SBNO1: variants seen among roughly 807,000 people sequenced by gnomAD.
The protein encoded by SBNO1 is protein strawberry notch homolog 1.
Under a neutral mutation model 173.6 loss-of-function variants are expected in SBNO1, and 23 were observed. The ratio of observed to expected loss-of-function variants is 0.13; its 90% confidence interval spans 0.10 to 0.19. SBNO1 has a LOEUF of 0.19. Among genes scored for constraint, SBNO1 ranks in the 10% least tolerant of loss-of-function variants. SBNO1 has a pLI of 1.00. For synonymous variants in SBNO1, 632 were observed against 571.5 expected, an observed-to-expected ratio of 1.11 and a Z score of -1.51; for missense variants, 1,238 against 1,671.2, an observed-to-expected ratio of 0.74 and a Z score of 4.52.
At chr12:123,300,648 A>G (rs1467776678) in intron 30 of SBNO1, among the ~76,000 whole-genome samples, 2 of 134,416 alleles carry the variant, frequency 1.5e-5, no homozygotes, top group Non-Finnish European at 3.2e-5. Flanking sequence ...ACAGAGCGAG[A>G]CTCCATCTCA....
At chr12:123,342,400 G>A (rs759948260) in intron 4 of SBNO1, among the ~76,000 whole-genome samples, 11 of 152,006 alleles carry the variant, frequency 7.2e-5, no homozygotes, top group African/African-American at 2.2e-4. Context: ...GCAATGAGCC[G>A]AGATCGCGCC....
intron 28 of SBNO1, 64 bp downstream of exon 28, chr12:123,309,246 A>G (rs2048996834): frequency 8.4e-7 from 1 of 1,187,350 alleles, no homozygotes; most frequent in Non-Finnish European, 1.3e-6. Flanking sequence ...GTGAAGAGAC[A>G]ATTACAATGC....
At chr12:123,332,242 C>T (rs1269707980) in intron 7 of SBNO1, among the ~76,000 whole-genome samples, 1 of 152,242 alleles carries the variant, frequency 6.6e-6, no homozygotes, top group South Asian at 2.1e-4. Flanking sequence ...GTGAGGAGCC[C>T]GCCATACCCC....
At chr12:123,360,228 A>G (rs1303972206) in intron 1 of SBNO1, among the ~76,000 whole-genome samples, 1 of 139,262 alleles carries the variant, frequency 7.2e-6, no homozygotes, top group African/African-American at 2.7e-5. Context: ...CCTCGGTGAC[A>G]AGAGTGAAAC....
chr12:123,325,462 T>C (rs769426608), intron 15 of SBNO1, 40 bp downstream of exon 15: 2 of 1,452,358 alleles, frequency 1.4e-6, no homozygotes, highest in East Asian at 2.3e-5. Flanking sequence ...AAGGAAGAAC[T>C]CAAAAAGAAA....
rs1869979795 is a variant in SBNO1 at position 123,321,540 on chromosome 12, T to C, written c.2318A>G (p.Glu773Gly). 6.2e-7 allele frequency: 1 copy of C among 1,608,738 alleles called. No individual in the cohort carries two copies. Among genetic ancestry groups the C allele is most frequent in the African/African-American group, 1.3e-5 (1 of 74,822 alleles). The change falls in exon 17 of 32, where the codon GAA becomes GGA. Residue 773 changes from glutamate (E) to glycine (G), a missense_variant. Around this residue, in one of 14 missense-constraint regions of SBNO1, gnomAD observed 33 missense variants for 29.6 expected, o/e 1.11. Transcript: ENST00000602398. ...ATTTAATATACTGAACTTACCATTT[T>C]CATCATCCTCATTAGACTCATCTAA... The part of the protein sequence containing the change: ...PFLDESNEDD[E>G]NDPWLIRKDH...
At chr12:123,359,758 G>C (rs1392531968) in intron 1 of SBNO1, among the ~76,000 whole-genome samples, 5 of 152,024 alleles carry the variant, frequency 3.3e-5, no homozygotes, top group African/African-American at 1.2e-4. Context: ...ATCTTTAAGA[G>C]CCCATCCTTT....
At chr12:123,351,142 A>C (rs1873822058) in intron 1 of SBNO1, among the ~76,000 whole-genome samples, 1 of 151,976 alleles carries the variant, frequency 6.6e-6, no homozygotes, top group Non-Finnish European at 1.5e-5. Context: ...AAAAAGAAAA[A>C]GAAAACCTCT....
chr12:123,318,237 C>A (rs1869523369), intron 20 of SBNO1, among the ~76,000 whole-genome samples: 1 of 152,178 alleles, frequency 6.6e-6, no homozygotes, highest in Non-Finnish European at 1.5e-5. Flanking sequence ...GTCAGGAGTT[C>A]AAGACCAGCC....
rs192545775 is a variant in SBNO1 at position 123,335,465 on chromosome 12, T to A, written c.748+930A>T. 5.6e-4 allele frequency among the ~76,000 whole-genome samples: 86 copies of A among 152,312 alleles called. 1 individual carries two copies. The East Asian group carries it at 0.014, about 25-fold the overall frequency. ...ACCCCGTCTTAAAAAGAACATATTTTACTTTGAAAAGTATTCGAAAGACAA... is the reference window on the plus strand; with the variant it reads ...ACCCCGTCTTAAAAAGAACATATTTAACTTTGAAAAGTATTCGAAAGACAA... On this transcript the variant is annotated intron_variant, in intron 6 of 31. Coordinates refer to ENST00000602398, the MANE Select transcript of SBNO1 (RefSeq NM_001167856.3).
intron 1 of SBNO1, among the ~76,000 whole-genome samples, chr12:123,350,741 C>A (rs2139075593): frequency 6.6e-6 from 1 of 152,308 alleles, no homozygotes; most frequent in South Asian, 2.1e-4. Context: ...ATAAAGATGA[C>A]AATGCAGCAG....
intron 6 of SBNO1, among the ~76,000 whole-genome samples, chr12:123,335,087 A>C (rs1871680356): frequency 6.6e-6 from 1 of 152,228 alleles, no homozygotes; most frequent in Non-Finnish European, 1.5e-5. Context: ...GCTATTCAGG[A>C]GTCTGAGACA....
Position 123,302,864 on chromosome 12 carries a change from G to T in SBNO1, c.3805C>A (p.Gln1269Lys). 1 of 1,613,624 alleles carries T rather than the reference G, an allele frequency of 6.2e-7. No homozygotes were observed. Among genetic ancestry groups the T allele is most frequent in the Non-Finnish European group, 8.5e-7 (1 of 1,179,648 alleles). Reference protein sequence around the residue: ...SDDALMHWLDQYNSSADTCTH... With the variant: ...SDDALMHWLDKYNSSADTCTH... ...CAAGTATCTGCAGATGAATTATACTGATCTAACCAGTGCATCAGGGCATCA... is the reference window on the plus strand; with the variant it reads ...CAAGTATCTGCAGATGAATTATACTTATCTAACCAGTGCATCAGGGCATCA... The change falls in exon 30 of 32, where the codon CAG (glutamine) becomes AAG (lysine). Residue 1269 changes from glutamine (Q) to lysine (K), a missense_variant. Transcript: ENST00000602398.
In SBNO1 at chr12:123,364,836, C is replaced by T. The variant is rs1416972067; in HGVS notation, c.-136G>A. On this transcript the variant is annotated 5_prime_UTR_variant, in exon 1 of 32. Transcript: ENST00000602398. Reference sequence around the variant, plus strand: ...GCTCTGCCTACCTCCCCGCCGCCATCTTGACGCCCCTCCCCCAGCCCCCCC... The same window carrying T: ...GCTCTGCCTACCTCCCCGCCGCCATTTTGACGCCCCTCCCCCAGCCCCCCC... The T allele has an allele frequency of 4.2e-6, 4 of 942,306 alleles. No individual in the cohort carries two copies. The African/African-American group carries it at 7.1e-5, about 17-fold the overall frequency. 58.4% of individuals were successfully genotyped at this position (942,306 alleles called of 1,614,324 possible).
Position 123,298,017 on chromosome 12 carries a change from T to C in SBNO1, c.4000A>G (p.Ile1334Val). 6.2e-7 allele frequency: 1 copy of C among 1,614,150 alleles called. No homozygotes were observed. Among genetic ancestry groups the C allele is most frequent in the Admixed American group, 1.7e-5 (1 of 60,000 alleles). ...SVSGTNVKMQIVRLRTEDGQR... is the reference protein window; with the variant it reads ...SVSGTNVKMQVVRLRTEDGQR... Reference sequence around the variant, plus strand: ...CCATCTTCCGTTCTTAGCCGCACGATCTGCATCTTCACGTTTGTGCCACTG... The same window carrying C: ...CCATCTTCCGTTCTTAGCCGCACGACCTGCATCTTCACGTTTGTGCCACTG... The change falls in exon 31 of 32, where the codon ATC (isoleucine) becomes GTC (valine). Residue 1334 changes from isoleucine to valine, a missense_variant. By Grantham distance (29) the Ile-to-Val change is conservative. Transcript: ENST00000602398.
Position 123,327,598 on chromosome 12 carries a change from T to C in SBNO1, c.1539-19A>G, listed in dbSNP as rs960459340. 1.9e-6 allele frequency: 3 copies of C among 1,609,256 alleles called. No homozygotes were observed. Among genetic ancestry groups the C allele is most frequent in the Non-Finnish European group, 2.6e-6 (3 of 1,176,272 alleles). On this transcript the variant is annotated intron_variant, in intron 12 of 31. Transcript: ENST00000602398. The stretch of plus-strand genomic sequence containing the variant: ...AACTCCTCTGAATAAAATTAAAACA[T>C]ACAGTAATTACCAATACAGTAGAAT...
intron 4 of SBNO1, among the ~76,000 whole-genome samples, chr12:123,342,077 C>T (rs1242256500): frequency 6.6e-6 from 1 of 151,552 alleles, no homozygotes; most frequent in Non-Finnish European, 1.5e-5. Flanking sequence ...GCCGAGGAGG[C>T]CCAGTCTCTA....
chr12:123,335,908 G>T (rs181242278), intron 6 of SBNO1, among the ~76,000 whole-genome samples: 39 of 152,290 alleles, frequency 2.6e-4, no homozygotes, highest in Admixed American at 1.3e-3. Context: ...AAAGAGAATT[G>T]TAGTTCAATT....
At chr12:123,318,501 G>C (rs190733817) in intron 20 of SBNO1, among the ~76,000 whole-genome samples, 81 of 152,074 alleles carry the variant, frequency 5.3e-4, no homozygotes, top group African/African-American at 1.8e-3. Context: ...GGGAGGCAGA[G>C]GTGGGTACAC....
Sources: gnomAD v4.1 joint callset for allele counts (sites outside exome capture counted in the v4.1 genomes callset) on GRCh38, gnomAD v4.1.1 for gene constraint, gnomAD v4.1.1 regional missense constraint, MANE v1.5 for transcripts, NCBI Gene and HGNC (gene_info 2026-07-23, HGNC 2026-07-21) for gene names.